ARRB1: variants seen among roughly 807,000 people sequenced by gnomAD.
ARRB1 encodes the protein arrestin beta 1, also known as beta-arrestin-1.
In ARRB1, 21 loss-of-function variants were observed where a neutral mutation model predicts 56.8. That is an observed-to-expected ratio of 0.37 (90% CI 0.26 to 0.53). ARRB1 has a LOEUF of 0.53. Ranked by LOEUF, ARRB1 falls within the 20% of genes least tolerant of loss-of-function variation. The pLI, the probability that ARRB1 is intolerant of heterozygous loss-of-function variation, is 0.88. For synonymous variants in ARRB1, 210 were observed against 218.6 expected (o/e 0.96, Z 0.35); for missense variants, 424 against 553.7 (o/e 0.77, Z 2.35).
At chr11:75,303,400 A>G (rs929555379) in intron 1 of ARRB1, among the ~76,000 whole-genome samples, 6 of 152,150 alleles carry the variant, frequency 3.9e-5, no homozygotes, top group African/African-American at 1.4e-4. Flanking sequence ...TACCAACTGC[A>G]GCCCCTTCCC....
At position 75,265,826 on chromosome 11, in the gene ARRB1, C is replaced by T. The variant is rs1255012048; in HGVS notation, c.*337G>A. 5 of 340,304 alleles carry T rather than the reference C, an allele frequency of 1.5e-5. No individual in the cohort carries two copies. The highest frequency in any genetic ancestry group is 6.3e-5 in the African/African-American group (3 of 47,382). The allele number at this position is 340,304 out of a possible 1,614,324, so 21.1% of individuals were successfully genotyped here. A position where few individuals can be genotyped will look rare whatever the true frequency, so the allele number is the denominator to read the frequency against. ...CTCCAAGCCCTCATGCCCACCACAC[C>T]GTGTCCCACATTCCCCATCCTCCCC... is the stretch of plus-strand genomic sequence containing the variant. On this transcript the variant is annotated 3_prime_UTR_variant, in exon 16 of 16. Transcript: ENST00000420843.
At chr11:75,279,212 T>TA (rs1346788532) in intron 7 of ARRB1, among the ~76,000 whole-genome samples, 1 of 152,292 alleles carries the variant, frequency 6.6e-6, no homozygotes, top group Non-Finnish European at 1.5e-5. Flanking sequence ...TGCCATATAA[T>TA]AAACAACTGC....
chr11:75,331,120 T>C (rs1947513037), intron 1 of ARRB1, among the ~76,000 whole-genome samples: 1 of 152,260 alleles, frequency 6.6e-6, no homozygotes, highest in South Asian at 2.1e-4. Context: ...CAAGCAATTC[T>C]GCCTCAGCCT....
rs34899069 is a variant in ARRB1 at position 75,279,483 on chromosome 11, C to T, written c.483-739G>A. ...CGTCTCTGTGGCATGCTGGGAATGC[C>T]GGCATCTCCGTTGCTCAGATAAGCT... On this transcript the variant is annotated intron_variant, in intron 7 of 15. Coordinates refer to ENST00000420843, the MANE Select transcript of ARRB1 (RefSeq NM_004041.5). 2.1e-3 allele frequency among the ~76,000 whole-genome samples: 321 copies of T among 152,160 alleles called. 3 individuals are homozygous for T. The East Asian group carries it at 0.033, about 16-fold the overall frequency.
rs571751799 is a variant in ARRB1, at chr11:75,263,126, C to T, written c.*3037G>A. ...GGCCCCAAACACTTGGCAGAGAAAC[C>T]GCCAGTACTGTGGGATGGTGCCTGG... On this transcript the variant is annotated 3_prime_UTR_variant, in exon 16 of 16. Transcript: ENST00000420843. 2.1e-4 allele frequency among the ~76,000 whole-genome samples: 32 copies of T among 152,206 alleles called. No homozygotes were observed. Among genetic ancestry groups the T allele is most frequent in the Non-Finnish European group, 3.8e-4 (26 of 68,030 alleles).
chr11:75,285,110 C>A (rs1946439577), intron 3 of ARRB1, among the ~76,000 whole-genome samples: 1 of 152,224 alleles, frequency 6.6e-6, no homozygotes. Context: ...CTGCATTAAA[C>A]TTGGAAGCAA....
At position 75,264,662 on chromosome 11, in the gene ARRB1, G is replaced by A. The variant is rs530149109; in HGVS notation, c.*1501C>T. The stretch of plus-strand genomic sequence containing the variant: ...CTGGAGGCAGAGAGACCAGTCAGCA[G>A]CTCTGGCTCTACCCACCAGACCAGG... On this transcript the variant is annotated 3_prime_UTR_variant, in exon 16 of 16. Coordinates refer to ENST00000420843, the MANE Select transcript of ARRB1 (RefSeq NM_004041.5). 1.3e-5 allele frequency: 2 copies of A among 152,184 alleles called. No homozygotes were observed. Among genetic ancestry groups the A allele is most frequent in the African/African-American group, 4.8e-5 (2 of 41,412 alleles). 9.4% of individuals were successfully genotyped at this position (152,184 alleles called of 1,614,324 possible). A position where few individuals can be genotyped will look rare whatever the true frequency, so the allele number is the denominator to read the frequency against.
At chr11:75,346,267 C>T (rs779895933) in intron 1 of ARRB1, among the ~76,000 whole-genome samples, 1 of 152,184 alleles carries the variant, frequency 6.6e-6, no homozygotes, top group Non-Finnish European at 1.5e-5. Context: ...AGTCAGAAGC[C>T]CCTCCTTTCT....
At chr11:75,350,240 C>G (rs1947826124) in intron 1 of ARRB1, among the ~76,000 whole-genome samples, 2 of 152,110 alleles carry the variant, frequency 1.3e-5, no homozygotes, top group Admixed American at 6.6e-5. Context: ...TGGTGCCCAC[C>G]GGGGTGGTGT....
intron 1 of ARRB1, among the ~76,000 whole-genome samples, chr11:75,309,230 G>C (rs1947106287): frequency 6.6e-6 from 1 of 152,242 alleles, no homozygotes. Context: ...CCACATTGCA[G>C]GGATCCCTGG....
chr11:75,325,151 T>C (rs1947411232), intron 1 of ARRB1, among the ~76,000 whole-genome samples: 1 of 151,930 alleles, frequency 6.6e-6, no homozygotes, highest in Admixed American at 6.6e-5. Flanking sequence ...CATGGAGAGA[T>C]TGACCGTAAG....
chr11:75,316,759 A>T (rs571007520), intron 1 of ARRB1, among the ~76,000 whole-genome samples: 75 of 151,708 alleles, frequency 4.9e-4, no homozygotes, highest in East Asian at 3.7e-3. Context: ...CTTTAAAAAA[A>T]TTTTTTTTTA....
chr11:75,271,054 C>T (rs1298360519), intron 13 of ARRB1: 2 of 152,202 alleles, frequency 1.3e-5, no homozygotes, highest in African/African-American at 4.8e-5. Flanking sequence ...GGGACCACAT[C>T]TGATTCCTCT....
At chr11:75,290,088 G>C in intron 1 of ARRB1, 49 bp from the exon 2 acceptor site, 1 of 1,612,506 alleles carries the variant, frequency 6.2e-7, no homozygotes, top group Non-Finnish European at 8.5e-7. Flanking sequence ...TCCTGCCCAG[G>C]GGCAAGCTCC....
chr11:75,307,280 G>T (rs981612840), intron 1 of ARRB1, among the ~76,000 whole-genome samples: 1 of 152,176 alleles, frequency 6.6e-6, no homozygotes. Context: ...GGCCATAAAT[G>T]GGGTTTCTTG....
At chr11:75,276,742 G>A in intron 10 of ARRB1, 97 bp downstream of exon 10, 2 of 1,235,648 alleles carry the variant, frequency 1.6e-6, no homozygotes, top group Non-Finnish European at 2.3e-6. Flanking sequence ...CCTCTGCCAG[G>A]TGGAGAAGAG....
intron 1 of ARRB1, among the ~76,000 whole-genome samples, chr11:75,314,351 T>G (rs1947224721): frequency 1.3e-5 from 2 of 152,220 alleles, no homozygotes; most frequent in East Asian, 1.9e-4. Context: ...CCGCAGGGCA[T>G]GGTGGCACAG....
chr11:75,273,969 A>G, intron 11 of ARRB1, 105 bp downstream of exon 11: 1 of 1,534,246 alleles, frequency 6.5e-7, no homozygotes, highest in Non-Finnish European at 8.9e-7. Flanking sequence ...AAGGCTATGG[A>G]GAGGGTAGCC....
At chr11:75,296,510 G>C (rs1946754305) in intron 1 of ARRB1, among the ~76,000 whole-genome samples, 1 of 152,168 alleles carries the variant, frequency 6.6e-6, no homozygotes, top group Non-Finnish European at 1.5e-5. Context: ...GACCAACTTT[G>C]ACACTAATAT....
Sources: allele counts gnomAD v4.1 joint callset (sites outside exome capture counted in the v4.1 genomes callset), GRCh38; gene constraint gnomAD v4.1.1; transcripts MANE v1.5; gene names NCBI Gene and HGNC (gene_info 2026-07-23, HGNC 2026-07-21).